Variants in FNDC1 observed in about 807,000 individuals in gnomAD.
FNDC1 encodes the protein fibronectin type III domain containing 1.
A neutral mutation model predicts 168.0 loss-of-function variants in FNDC1; 96 were observed. The observed-to-expected ratio is 0.57, with a 90% CI of 0.48 to 0.68. The LOEUF (loss-of-function observed/expected upper bound fraction) is 0.68, where lower values mean the gene tolerates loss of function less well. FNDC1 is among the 30% of genes least tolerant of loss of function. The pLI is 0.00. For synonymous variants in FNDC1, 1,099 were observed against 1,025.9 expected, an observed-to-expected ratio of 1.07 and a Z score of -1.36; for missense variants, 2,587 against 2,482.1, an observed-to-expected ratio of 1.04 and a Z score of -0.90.
At chr6:159,197,253 A>G (rs79223884) in intron 1 of FNDC1, among the ~76,000 whole-genome samples, 178 bp from the exon 2 acceptor site, 5,800 of 152,314 alleles carry the variant, frequency 0.038, 407 homozygotes, top group African/African-American at 0.13. Flanking sequence ...TGGGTTTGGT[A>G]TATTTGTTTT....
At chr6:159,222,984 ATTTTTTTT>A (rs201310702) in intron 6 of FNDC1, among the ~76,000 whole-genome samples, 1 of 116,770 alleles carries the variant, frequency 8.6e-6, no homozygotes, top group Admixed American at 9.2e-5. Context: ...TGAAATACTC[ATTTTTTTT>A]TTTTTTTTTT....
At chr6:159,224,398 G>T (rs903424823) in intron 7 of FNDC1, among the ~76,000 whole-genome samples, 1 of 152,166 alleles carries the variant, frequency 6.6e-6, no homozygotes, top group Admixed American at 6.5e-5. Flanking sequence ...TGGTGGTCTG[G>T]TTATTATATA....
intron 4 of FNDC1, among the ~76,000 whole-genome samples, chr6:159,200,959 C>A (rs1347390872): frequency 1.3e-5 from 2 of 152,246 alleles, no homozygotes; most frequent in African/African-American, 4.8e-5. Flanking sequence ...CTTTTATGGG[C>A]TAACATGTTG....
chr6:159,249,261 G>A, intron 16 of FNDC1, 79 bp downstream of exon 16: 1 of 1,411,474 alleles, frequency 7.1e-7, no homozygotes, highest in Non-Finnish European at 9.5e-7. Context: ...TAATCTTTTG[G>A]CCTCGCCAAG....
intron 16 of FNDC1, among the ~76,000 whole-genome samples, chr6:159,250,148 G>A (rs932279480): frequency 1.3e-5 from 2 of 152,134 alleles, no homozygotes; most frequent in African/African-American, 4.8e-5. Context: ...GCTTACTATT[G>A]TCTGGCTCTT....
At chr6:159,241,884 C>T (rs1324763120) in intron 14 of FNDC1, among the ~76,000 whole-genome samples, 7 of 152,194 alleles carry the variant, frequency 4.6e-5, no homozygotes, top group Admixed American at 4.6e-4. Flanking sequence ...CAGACACATC[C>T]ATCACCTCCC....
chr6:159,243,991 A>T (rs1783487383), intron 14 of FNDC1, among the ~76,000 whole-genome samples: 1 of 152,188 alleles, frequency 6.6e-6, no homozygotes, highest in Non-Finnish European at 1.5e-5. Flanking sequence ...TCAAGGAGTT[A>T]CCCATAACAC....
At chr6:159,254,014 C>T (rs1777323487) in intron 17 of FNDC1, among the ~76,000 whole-genome samples, 1 of 152,198 alleles carries the variant, frequency 6.6e-6, no homozygotes, top group African/African-American at 2.4e-5. Flanking sequence ...GCAACTCTTC[C>T]CAAGTTCAAT....
intron 4 of FNDC1, among the ~76,000 whole-genome samples, chr6:159,207,690 ATG>A (rs776520152): frequency 6.6e-6 from 1 of 152,130 alleles, no homozygotes; most frequent in Non-Finnish European, 1.5e-5. Context: ...AGTGAAGCCA[ATG>A]TGTGTGTGTG....
rs538181338 is a variant in FNDC1, at chr6:159,255,517, A to G, written c.5066-1006A>G. Among the ~76,000 whole-genome samples the G allele has an allele frequency of 6.6e-5, 10 of 152,328 alleles. No homozygotes were observed. The South Asian group carries it at 1.7e-3, about 25-fold the overall frequency. ...GTTTCCCAGTGCACCCTGCGGCTTC[A>G]TGAGCTTCTGGTCACTACTTTATCT... On this transcript the variant is annotated intron_variant, in intron 17 of 22. Coordinates refer to ENST00000297267, the MANE Select transcript of FNDC1 (RefSeq NM_032532.3).
intron 1 of FNDC1, among the ~76,000 whole-genome samples, chr6:159,182,870 T>C (rs1461511153): frequency 6.6e-6 from 1 of 152,232 alleles, no homozygotes; most frequent in Non-Finnish European, 1.5e-5. Context: ...TGAATCAGAT[T>C]ATCTAAGTTT....
Position 159,225,548 on chromosome 6 carries a change from C to A in FNDC1, c.898C>A (p.Arg300Ser), listed in dbSNP as rs1031735872. 6.2e-7 allele frequency: 1 copy of A among 1,612,348 alleles called. No homozygotes were observed. Among genetic ancestry groups the A allele is most frequent in the Non-Finnish European group, 8.5e-7 (1 of 1,178,998 alleles). ...KVVASRQYTV[R>S]YREKGELARW... ...GTTTTCTTACAGACAGTACACCGTG[C>A]GCTATCGAGAGAAGGGGGAATTGGC... Residue 300 changes from arginine (R) to serine (S), a missense_variant, in exon 8 of 23, where the codon CGC becomes AGC. By Grantham distance (110) the Arg-to-Ser change is moderately radical (BLOSUM62 -1). Transcript: ENST00000297267.
At chr6:159,194,686 T>C (rs1782207667) in intron 1 of FNDC1, among the ~76,000 whole-genome samples, 1 of 152,214 alleles carries the variant, frequency 6.6e-6, no homozygotes, top group South Asian at 2.1e-4. Context: ...CAAACTGTCA[T>C]ACTTCTAACC....
At chr6:159,230,030 TTC>T (rs765725831) in intron 10 of FNDC1, 27 bp downstream of exon 10, 54 of 1,583,816 alleles carry the variant, frequency 3.4e-5, no homozygotes, top group Admixed American at 6.9e-5. Context: ...TGTGGCTGTC[TTC>T]TCTCTCTCTT....
chr6:159,234,142 G>A lies in FNDC1; in HGVS notation c.3630G>A (p.Arg1210=). 1.2e-6 allele frequency: 2 copies of A among 1,601,520 alleles called. No homozygotes were observed. The highest frequency in any genetic ancestry group is 2.7e-5 in the African/African-American group (2 of 74,732). ...AGTGGCCCTCTTCCTCCACTCCCAG[G>A]GGCGGCAAAGACGCCGATGGGAGCC... ...VPKWPSSSTP[R]GGKDADGSLA... Residue 1210 remains arginine (R), a synonymous_variant, in exon 11 of 23, where the codon AGG becomes AGA. Transcript: ENST00000297267.
rs763407659 is a variant in FNDC1, at chr6:159,197,598, A to G, written c.277A>G (p.Thr93Ala). The G allele has an allele frequency of 5.0e-6, 8 of 1,613,022 alleles. No homozygotes were observed. Among genetic ancestry groups the G allele is most frequent in the East Asian group, 4.5e-5 (2 of 44,856 alleles). Residue 93 changes from threonine to alanine, a missense_variant, in exon 2 of 23, where the codon ACA (threonine) becomes GCA (alanine). By Grantham distance (58) the Thr-to-Ala change is moderately conservative (BLOSUM62 0). Coordinates refer to ENST00000297267, the MANE Select transcript of FNDC1 (RefSeq NM_032532.3). ...TAAATACATCAAGGTGAATGCGGAG[A>G]CATACTCCTTCCTTATTGAGGATGT... ...SLKYIKVNAE[T>A]YSFLIEDVEP...
intron 5 of FNDC1, among the ~76,000 whole-genome samples, chr6:159,221,071 CTG>C (rs1245514034): frequency 1.3e-5 from 2 of 152,296 alleles, no homozygotes; most frequent in East Asian, 3.9e-4. Flanking sequence ...TTCAGAGACT[CTG>C]TTTTGAGGAT....
At chr6:159,184,091 C>A (rs1017004431) in intron 1 of FNDC1, among the ~76,000 whole-genome samples, 6 of 152,236 alleles carry the variant, frequency 3.9e-5, no homozygotes. Flanking sequence ...TCACTTAACT[C>A]TCTGTGACTC....
chr6:159,175,218 T>C (rs1233461933), intron 1 of FNDC1, among the ~76,000 whole-genome samples: 1 of 152,220 alleles, frequency 6.6e-6, no homozygotes. Context: ...TAATAATAAC[T>C]GGCAGTTTAA....
Sources: gnomAD v4.1 joint callset for allele counts (sites outside exome capture counted in the v4.1 genomes callset) on GRCh38, gnomAD v4.1.1 for gene constraint, MANE v1.5 for transcripts, NCBI Gene and HGNC (gene_info 2026-07-23, HGNC 2026-07-21) for gene names.